Variants in SLC35F4 observed in about 807,000 individuals in gnomAD.
SLC35F4 encodes the protein solute carrier family 35 member F4.
SLC35F4 carries 24 observed loss-of-function variants against 44.2 expected under a neutral mutation model. That is an observed-to-expected ratio of 0.54 (90% CI 0.39 to 0.76). The LOEUF is 0.76. Among genes scored for constraint, SLC35F4 ranks in the 30% least tolerant of loss-of-function variants. The probability of loss-of-function intolerance (pLI) is 0.00; values close to 1 mark genes in which losing one functional copy is unlikely to be tolerated. For missense variants in SLC35F4, 562 were observed against 586.1 expected, an observed-to-expected ratio of 0.96 and a Z score of 0.42; for synonymous variants, 238 against 223.6, an observed-to-expected ratio of 1.06 and a Z score of -0.57.
At chr14:57,701,424 A>C (rs2075537698) in intron 1 of SLC35F4, among the ~76,000 whole-genome samples, 1 of 152,222 alleles carries the variant, frequency 6.6e-6, no homozygotes, top group Non-Finnish European at 1.5e-5. Flanking sequence ...AATGATAAAA[A>C]GTATAGTTAT....
chr14:57,869,975 C>T (rs1437762918), upstream of SLC35F4, among the ~76,000 whole-genome samples: 1 of 152,172 alleles, frequency 6.6e-6, no homozygotes, highest in African/African-American at 2.4e-5. Context: ...GAAGACAGGG[C>T]AGAGTCCACT....
chr14:57,952,850 T>C lies in SLC35F4; in HGVS notation n.282+29063A>G, dbSNP rs117270108. On this transcript the variant is annotated intron_variant and non_coding_transcript_variant, in intron 1 of 1. Transcript: ENST00000556568. ...AAGTGATGGGGAGAATGGAACCAAA[T>C]TGGAAAATACTCTTTAGGATATTAT... is the stretch of plus-strand genomic sequence containing the variant. 8.6e-3 allele frequency among the ~76,000 whole-genome samples: 1,298 copies of C among 150,820 alleles called. 5 individuals are homozygous for C. The highest frequency in any genetic ancestry group is 0.014 in the Non-Finnish European group (944 of 67,576).
intron 1 of SLC35F4, among the ~76,000 whole-genome samples, chr14:57,680,526 T>C (rs572667889): frequency 1.3e-5 from 2 of 152,046 alleles, no homozygotes; most frequent in Non-Finnish European, 2.9e-5. Flanking sequence ...GCCACAGCAA[T>C]TAGGCAAGAG....
chr14:57,844,430 G>A (rs1320277334), intron 1 of SLC35F4, among the ~76,000 whole-genome samples: 1 of 152,140 alleles, frequency 6.6e-6, no homozygotes. Flanking sequence ...AGCAACACCA[G>A]GGTCAGCATT....
chr14:57,583,673 C>A (rs769244719), intron 3 of SLC35F4, among the ~76,000 whole-genome samples: 56 of 152,190 alleles, frequency 3.7e-4, no homozygotes, highest in Non-Finnish European at 6.8e-4. Flanking sequence ...TTCATTCCCT[C>A]GTTCTTCCCC....
intron 7 of SLC35F4, among the ~76,000 whole-genome samples, chr14:57,564,954 G>A (rs1166362701): frequency 1.3e-5 from 2 of 152,024 alleles, no homozygotes; most frequent in Non-Finnish European, 2.9e-5. Flanking sequence ...TCCCCCTATA[G>A]ATTTGCCTAT....
chr14:57,730,841 C>A (rs1445196368), intron 1 of SLC35F4, among the ~76,000 whole-genome samples: 1 of 152,040 alleles, frequency 6.6e-6, no homozygotes, highest in Non-Finnish European at 1.5e-5. Context: ...TGGGTTCAGC[C>A]AACAGATACA....
chr14:57,983,093 G>T (rs1881430586), upstream of SLC35F4, among the ~76,000 whole-genome samples: 1 of 152,222 alleles, frequency 6.6e-6, no homozygotes. Context: ...GCAATGGAAA[G>T]CCAACACCAA....
intron 2 of SLC35F4, among the ~76,000 whole-genome samples, chr14:57,592,796 G>T (rs2070273128): frequency 6.6e-6 from 1 of 152,016 alleles, no homozygotes; most frequent in Non-Finnish European, 1.5e-5. Flanking sequence ...TGAATCCTCT[G>T]AATTGTCATT....
At chr14:57,965,293 A>G (rs1890417424) in intron 1 of SLC35F4, among the ~76,000 whole-genome samples, 2 of 152,126 alleles carry the variant, frequency 1.3e-5, no homozygotes, top group Non-Finnish European at 2.9e-5. Flanking sequence ...AGCCAGCAGT[A>G]GCAGGTTGAG....
intron 1 of SLC35F4, among the ~76,000 whole-genome samples, chr14:57,786,864 C>A (rs1479895654): frequency 6.6e-6 from 1 of 152,138 alleles, no homozygotes. Flanking sequence ...CTCTTCAGCA[C>A]CCCTCAACAA....
intron 1 of SLC35F4, among the ~76,000 whole-genome samples, chr14:57,598,105 C>T (rs1277302619): frequency 6.6e-6 from 1 of 152,148 alleles, no homozygotes; most frequent in Non-Finnish European, 1.5e-5. Context: ...CTCAGGAACA[C>T]CTGGAACCAG....
rs370408460 is a variant in SLC35F4, at chr14:57,738,600, C to T, written c.103+127123G>A. Among the ~76,000 whole-genome samples, 255 of 151,898 alleles carry T rather than the reference C, an allele frequency of 1.7e-3. 3 individuals are homozygous for T. The highest frequency in any genetic ancestry group is 5.9e-3 in the African/African-American group (246 of 41,460). Reference sequence around the variant, plus strand: ...AAGATGTTTAAGGGAAAAAAATGAACAAGCAGATTTAACAAACCTGCTTTT... The same window carrying T: ...AAGATGTTTAAGGGAAAAAAATGAATAAGCAGATTTAACAAACCTGCTTTT... On this transcript the variant is annotated intron_variant, in intron 1 of 7. Transcript: ENST00000556826.
At chr14:57,649,310 A>T (rs1274445577) in intron 1 of SLC35F4, among the ~76,000 whole-genome samples, 1 of 152,166 alleles carries the variant, frequency 6.6e-6, no homozygotes, top group Non-Finnish European at 1.5e-5. Flanking sequence ...TCTAAAACTG[A>T]TTGGCAGGGC....
downstream of SLC35F4, among the ~76,000 whole-genome samples, chr14:57,974,523 A>C (rs1334368650): frequency 6.6e-6 from 1 of 152,208 alleles, no homozygotes; most frequent in African/African-American, 2.4e-5. Context: ...AGTATCTACC[A>C]GCTTAAATAT....
intron 1 of SLC35F4, among the ~76,000 whole-genome samples, chr14:57,644,696 A>C (rs1464293301): frequency 2.6e-5 from 4 of 152,158 alleles, no homozygotes; most frequent in Non-Finnish European, 4.4e-5. Context: ...GCCCATGCCT[A>C]TGTCTTGAAT....
intron 1 of SLC35F4, among the ~76,000 whole-genome samples, chr14:57,721,754 G>T (rs1450369810): frequency 6.6e-6 from 1 of 152,158 alleles, no homozygotes; most frequent in Non-Finnish European, 1.5e-5. Context: ...AAACTCTGAT[G>T]AACCTTTTTT....
intron 1 of SLC35F4, among the ~76,000 whole-genome samples, chr14:57,705,131 A>T (rs1249649945): frequency 6.6e-6 from 1 of 152,216 alleles, no homozygotes; most frequent in African/African-American, 2.4e-5. Context: ...TATGTTAAAA[A>T]TTTTGAATAG....
chr14:57,882,491 T>C (rs1248571997), intron 1 of SLC35F4, among the ~76,000 whole-genome samples: 1 of 152,176 alleles, frequency 6.6e-6, no homozygotes, highest in Non-Finnish European at 1.5e-5. Flanking sequence ...ACATTATATC[T>C]AGTTTTTATG....
Sources: allele counts gnomAD v4.1 joint callset (sites outside exome capture counted in the v4.1 genomes callset), GRCh38; gene constraint gnomAD v4.1.1; transcripts MANE v1.5; gene names NCBI Gene and HGNC (gene_info 2026-07-23, HGNC 2026-07-21).